TMEM26: variants seen among roughly 807,000 people sequenced by gnomAD.
TMEM26 encodes transmembrane protein 26.
A neutral mutation model predicts 28.8 loss-of-function variants in TMEM26; 38 were observed. The observed-to-expected ratio is 1.32, with a 90% confidence interval of 1.02 to 1.73. The LOEUF is 1.73. Ranked by LOEUF, TMEM26 falls within the 40% of genes most tolerant of loss-of-function variation. TMEM26 has a pLI of 0.00. For missense variants in TMEM26, 518 were observed against 447.1 expected (o/e 1.16, Z -1.43); for synonymous variants, 227 against 182.9 (o/e 1.24, Z -1.95).
rs1303688775 is a variant in TMEM26, at chr10:61,408,038, T to C, written c.*2284A>G. 6.6e-6 allele frequency: 1 copy of C among 152,238 alleles called. No homozygotes were observed. Among genetic ancestry groups the C allele is most frequent in the African/African-American group, 2.4e-5 (1 of 41,462 alleles). The allele number at this position is 152,238 out of a possible 1,614,324, so 9.4% of individuals were successfully genotyped here. A position where few individuals can be genotyped will look rare whatever the true frequency, so the allele number is the denominator to read the frequency against. ...GAATGGCTAATATATAACCTAGGTTTAGAGCTTTTATTCAAATAAACTAAG... is the reference window on the plus strand; with the variant it reads ...GAATGGCTAATATATAACCTAGGTTCAGAGCTTTTATTCAAATAAACTAAG... On this transcript the variant is annotated 3_prime_UTR_variant, in exon 6 of 6. Coordinates refer to ENST00000399298, the MANE Select transcript of TMEM26 (RefSeq NM_178505.8).
Position 61,410,637 on chromosome 10 carries a change from T to C in TMEM26, c.792A>G (p.Gln264=). ...LWNIGISVFI[Q]DGPFLVVRLI... is the part of the protein sequence containing the mutation. ...GACGCACGACAAGGAAGGGGCCATC[T>C]TGTATGAAGACGCTGATTCCGATGT... is the stretch of plus-strand genomic sequence containing the variant. Residue 264 remains glutamine, a synonymous_variant, in exon 6 of 6, where the codon CAA becomes CAG. Coordinates refer to ENST00000399298, the MANE Select transcript of TMEM26 (RefSeq NM_178505.8). The C allele has an allele frequency of 3.7e-6, 6 of 1,614,126 alleles. No homozygotes were observed. Among genetic ancestry groups the C allele is most frequent in the Non-Finnish European group, 3.4e-6 (4 of 1,180,022 alleles).
At chr10:61,411,142 C>T (rs962766135) in intron 5 of TMEM26, among the ~76,000 whole-genome samples, 1 of 152,178 alleles carries the variant, frequency 6.6e-6, no homozygotes, top group Non-Finnish European at 1.5e-5. Flanking sequence ...GGAAGCCTCA[C>T]AGTTGCATGC....
chr10:61,453,223 C>G lies in TMEM26; in HGVS notation c.-142G>C, dbSNP rs1254382121. On this transcript the variant is annotated 5_prime_UTR_variant, in exon 1 of 6. Coordinates refer to ENST00000399298, the MANE Select transcript of TMEM26 (RefSeq NM_178505.8). ...GTGGTCCCTTCTCACCCTCAGCGCCCGATGCCGGTAGAACTGGTGCGCGGC... is the reference window on the plus strand; with the variant it reads ...GTGGTCCCTTCTCACCCTCAGCGCCGGATGCCGGTAGAACTGGTGCGCGGC... 1.2e-6 allele frequency: 1 copy of G among 834,524 alleles called. No homozygotes were observed. The highest frequency in any genetic ancestry group is 1.8e-6 in the Non-Finnish European group (1 of 546,952). 51.7% of individuals were successfully genotyped at this position (834,524 alleles called of 1,614,324 possible). A position where few individuals can be genotyped will look rare whatever the true frequency, so the allele number is the denominator to read the frequency against.
intron 2 of TMEM26, 75 bp downstream of exon 2, chr10:61,436,095 G>T: frequency 3.1e-6 from 3 of 959,006 alleles, no homozygotes; most frequent in Non-Finnish European, 3.2e-6. Context: ...AGTGCATTCC[G>T]AAAATAAACT....
intron 4 of TMEM26, among the ~76,000 whole-genome samples, chr10:61,419,320 A>T (rs1401457298): frequency 6.6e-6 from 1 of 152,082 alleles, no homozygotes; most frequent in African/African-American, 2.4e-5. Flanking sequence ...GTCAGTAGAA[A>T]CTGTCTCTAC....
rs932741379 is a variant in TMEM26, at chr10:61,410,316, C to A, written c.*6G>T. 7 of 1,600,506 alleles carry A rather than the reference C, an allele frequency of 4.4e-6. No individual in the cohort carries two copies. The African/African-American group carries it at 9.4e-5, about 21-fold the overall frequency. ...GTTCTAGCCGCAGACCACTGTCAAT[C>A]AATAACTAAGGGGTGTGGTGGGAGT... On this transcript the variant is annotated 3_prime_UTR_variant, in exon 6 of 6. Transcript: ENST00000399298.
At chr10:61,449,798 T>G (rs1287325456) in intron 1 of TMEM26, among the ~76,000 whole-genome samples, 1 of 152,138 alleles carries the variant, frequency 6.6e-6, no homozygotes, top group Admixed American at 6.5e-5. Context: ...CCTTTTCGCC[T>G]TCCCTTTCTC....
intron 1 of TMEM26, among the ~76,000 whole-genome samples, chr10:61,446,224 A>C (rs1363581911): frequency 6.6e-6 from 1 of 152,206 alleles, no homozygotes; most frequent in East Asian, 1.9e-4. Context: ...TTTTTGAAGA[A>C]GACTCTTGTC....
rs780681021 is a variant in TMEM26, at chr10:61,410,738, C to T, written c.691G>A (p.Val231Ile). The T allele has an allele frequency of 8.1e-6, 13 of 1,613,638 alleles. No homozygotes were observed. Among genetic ancestry groups the T allele is most frequent in the African/African-American group, 1.3e-5 (1 of 74,898 alleles). Reference sequence around the variant, plus strand: ...TCTGTCACAGACACAGGGCACACAACGTTCTGTACTGAAAACACAAGACAG... The same window carrying T: ...TCTGTCACAGACACAGGGCACACAATGTTCTGTACTGAAAACACAAGACAG... Reference protein sequence around the residue: ...QFPLDLAVQNVVCPVSVTERG... With the variant: ...QFPLDLAVQNIVCPVSVTERG... The change falls in exon 6 of 6, where the codon GTT (valine) becomes ATT (isoleucine). Residue 231 changes from valine (V) to isoleucine (I), a missense_variant. Val to Ile is a conservative substitution (Grantham distance 29). Coordinates refer to ENST00000399298, the MANE Select transcript of TMEM26 (RefSeq NM_178505.8).
chr10:61,410,323 T>C lies in TMEM26; in HGVS notation c.1106A>G (p.Ter369TrpextTer38), dbSNP rs1195222092. 6.2e-7 allele frequency: 1 copy of C among 1,607,160 alleles called. No homozygotes were observed. Among genetic ancestry groups the C allele is most frequent in the Admixed American group, 1.7e-5 (1 of 59,686 alleles). Residue 369 changes from the stop codon to tryptophan (W), a stop_lost, in exon 6 of 6, where the codon TAG becomes TGG. Transcript: ENST00000399298. ...CCGCAGACCACTGTCAATCAATAACTAAGGGGTGTGGTGGGAGTCGTCGGA... is the reference window on the plus strand; with the variant it reads ...CCGCAGACCACTGTCAATCAATAACCAAGGGGTGTGGTGGGAGTCGTCGGA... ...VTSDDSHHTP[*>W] is the part of the protein sequence containing the mutation.
At chr10:61,424,888 A>G (rs1018024031) in intron 4 of TMEM26, among the ~76,000 whole-genome samples, 38 of 152,352 alleles carry the variant, frequency 2.5e-4, no homozygotes, top group African/African-American at 8.9e-4. Flanking sequence ...GCCAAAAATA[A>G]AAAATAAACT....
At chr10:61,449,867 A>G (rs1181332248) in intron 1 of TMEM26, among the ~76,000 whole-genome samples, 1 of 152,092 alleles carries the variant, frequency 6.6e-6, no homozygotes, top group African/African-American at 2.4e-5. Context: ...GATACAAAGG[A>G]CAATTCTTTT....
At chr10:61,440,725 AT>A (rs1480411521) in intron 1 of TMEM26, among the ~76,000 whole-genome samples, 1 of 152,154 alleles carries the variant, frequency 6.6e-6, no homozygotes, top group Non-Finnish European at 1.5e-5. Context: ...TTATAATTAC[AT>A]ATGTGCATAT....
chr10:61,446,817 C>CAAAAAAAAAAAAAAAAAAAAAAAAA (rs34030340), intron 1 of TMEM26, among the ~76,000 whole-genome samples: 1 of 33,944 alleles, frequency 2.9e-5, no homozygotes, highest in African/African-American at 1.2e-4. Context: ...GACTCCATCT[C>CAAAAAAAAAAAAAAAAAAAAAAAAA]AAAAAAAAAA....
Position 61,453,343 on chromosome 10 carries a change from C to A in TMEM26, c.-262G>T, listed in dbSNP as rs2135346671. 4.7e-6 allele frequency: 2 copies of A among 428,588 alleles called. No homozygotes were observed. Among genetic ancestry groups the A allele is most frequent in the East Asian group, 7.5e-5 (2 of 26,804 alleles). The allele number at this position is 428,588 out of a possible 1,614,324, so 26.5% of individuals were successfully genotyped here. A position where few individuals can be genotyped will look rare whatever the true frequency, so the allele number is the denominator to read the frequency against. On this transcript the variant is annotated 5_prime_UTR_variant, in exon 1 of 6. Coordinates refer to ENST00000399298, the MANE Select transcript of TMEM26 (RefSeq NM_178505.8). ...GCTGGGTTTTCCAGGGAGTCTGGGG[C>A]TGCGCTGCCCTGTCTCCAGGGCGTT... is the stretch of plus-strand genomic sequence containing the variant.
intron 4 of TMEM26, 24 bp from the exon 5 acceptor site, chr10:61,413,559 A>G: frequency 6.3e-7 from 1 of 1,580,022 alleles, no homozygotes; most frequent in Non-Finnish European, 8.6e-7. Context: ...AAAATGTTAA[A>G]TTTGTAATAA....
intron 1 of TMEM26, among the ~76,000 whole-genome samples, chr10:61,447,588 T>C (rs192398443): frequency 6.6e-6 from 1 of 152,326 alleles, no homozygotes; most frequent in African/African-American, 2.4e-5. Flanking sequence ...AAATGAAGTA[T>C]TGTAAAGTTA....
chr10:61,422,923 C>G (rs537592182), intron 4 of TMEM26, among the ~76,000 whole-genome samples: 1 of 152,064 alleles, frequency 6.6e-6, no homozygotes, highest in Non-Finnish European at 1.5e-5. Flanking sequence ...TAAACCTGAT[C>G]AAACCAAAAA....
At chr10:61,451,777 G>A (rs960688361) in intron 1 of TMEM26, among the ~76,000 whole-genome samples, 3 of 152,116 alleles carry the variant, frequency 2.0e-5, no homozygotes, top group African/African-American at 4.8e-5. Context: ...GAAAATGTAA[G>A]TAAGATTCAC....
Sources: gnomAD v4.1 joint callset for allele counts (sites outside exome capture counted in the v4.1 genomes callset) on GRCh38, gnomAD v4.1.1 for gene constraint, MANE v1.5 for transcripts, NCBI Gene and HGNC (gene_info 2026-07-23, HGNC 2026-07-21) for gene names.